The following SUGCT variants were observed in gnomAD, a reference collection of about 807,000 sequenced individuals.
The protein encoded by SUGCT is succinyl-CoA:glutarate-CoA transferase, also known as succinyl-CoA:glutarate CoA-transferase.
Under a neutral mutation model 55.0 loss-of-function variants are expected in SUGCT, and 41 were observed. The observed-to-expected ratio is 0.74, with a 90% CI of 0.58 to 0.97. The LOEUF is 0.97. Among genes scored for constraint, SUGCT ranks in the 50% least tolerant of loss-of-function variants. The pLI is 0.00. For synonymous variants in SUGCT, 187 were observed against 200.4 expected (o/e 0.93, Z 0.56); for missense variants, 568 against 547.8 (o/e 1.04, Z -0.37).
intron 12 of SUGCT, among the ~76,000 whole-genome samples, chr7:40,706,416 G>A (rs1288262868): frequency 6.6e-6 from 1 of 152,170 alleles, no homozygotes; most frequent in Non-Finnish European, 1.5e-5. Context: ...CTAGGCAGGA[G>A]AATCGTTTGA....
chr7:40,212,834 A>C (rs1787418607), intron 6 of SUGCT, among the ~76,000 whole-genome samples: 1 of 152,154 alleles, frequency 6.6e-6, no homozygotes, highest in Admixed American at 6.5e-5. Context: ...TACTCAGCCT[A>C]TAGTTGAAGA....
At chr7:40,965,923 C>G in the SUGCT span, 1 of 152,330 alleles carries the variant, frequency 6.6e-6, no homozygotes, top group South Asian at 2.1e-4. Context: ...AGAATTCAGT[C>G]ATTGTAATGG....
At chr7:40,553,448 A>T (rs188568469) in intron 12 of SUGCT, among the ~76,000 whole-genome samples, 4 of 152,216 alleles carry the variant, frequency 2.6e-5, no homozygotes, top group Non-Finnish European at 5.9e-5. Context: ...ATGCCATTGC[A>T]CTTGCATGTT....
At chr7:40,766,151 A>G (rs1287628626) in intron 13 of SUGCT, among the ~76,000 whole-genome samples, 2 of 152,222 alleles carry the variant, frequency 1.3e-5, no homozygotes, top group Admixed American at 6.5e-5. Context: ...AGTGATACAT[A>G]TCATCTATAT....
At chr7:40,329,327 A>G (rs17171686) in intron 9 of SUGCT, among the ~76,000 whole-genome samples, 17,514 of 152,208 alleles carry the variant, frequency 0.12, 1,320 homozygotes, top group East Asian at 0.44. Context: ...ATGTTGATGT[A>G]TAAGTATGGC....
chr7:40,307,290 G>A (rs1794896219), intron 8 of SUGCT, among the ~76,000 whole-genome samples: 3 of 152,174 alleles, frequency 2.0e-5, no homozygotes, highest in Non-Finnish European at 4.4e-5. Flanking sequence ...ACTGCATTAT[G>A]TATTATGTAA....
intron 12 of SUGCT, among the ~76,000 whole-genome samples, chr7:40,740,837 A>G (rs2128704375): frequency 6.6e-6 from 1 of 152,332 alleles, no homozygotes; most frequent in South Asian, 2.1e-4. Context: ...GAACAAAAGG[A>G]AAATTTCAGT....
At chr7:40,828,288 G>A (rs1187958850) in intron 13 of SUGCT, among the ~76,000 whole-genome samples, 1 of 152,196 alleles carries the variant, frequency 6.6e-6, no homozygotes, top group Non-Finnish European at 1.5e-5. Context: ...TCCTATCAGG[G>A]AAGGGGAGCA....
At chr7:40,265,959 C>CA (rs1791542658) in intron 7 of SUGCT, among the ~76,000 whole-genome samples, 1 of 149,924 alleles carries the variant, frequency 6.7e-6, no homozygotes, top group South Asian at 2.1e-4. Context: ...TCAAAAAAAA[C>CA]CACACACACA....
chr7:40,608,906 G>A (rs543743601), intron 12 of SUGCT, among the ~76,000 whole-genome samples: 1 of 152,282 alleles, frequency 6.6e-6, no homozygotes, highest in East Asian at 1.9e-4. Flanking sequence ...GTGATTGGTA[G>A]AACAGCTCCG....
At chr7:40,967,425 G>A in the SUGCT span, 3 of 152,102 alleles carry the variant, frequency 2.0e-5, no homozygotes, top group Admixed American at 6.6e-5. Context: ...AATAGAGTGC[G>A]TTTCATAGGA....
intron 13 of SUGCT, among the ~76,000 whole-genome samples, chr7:40,758,670 T>A (rs1011142816): frequency 6.6e-6 from 1 of 152,102 alleles, no homozygotes; most frequent in Non-Finnish European, 1.5e-5. Context: ...TGAAACCACA[T>A]CTTCATGTTG....
chr7:40,754,524 C>T (rs905441834), intron 13 of SUGCT, among the ~76,000 whole-genome samples: 1 of 152,140 alleles, frequency 6.6e-6, no homozygotes, highest in Non-Finnish European at 1.5e-5. Context: ...GGACCAGTCC[C>T]TCGTGGAGCT....
chr7:40,928,625 A>C, the SUGCT span, among the ~76,000 whole-genome samples: 1 of 146,068 alleles, frequency 6.8e-6, no homozygotes, highest in African/African-American at 2.6e-5. Context: ...TTTGAGACGG[A>C]GTCTTGCTCC....
At chr7:40,852,420 C>T (rs1793894802) in intron 13 of SUGCT, among the ~76,000 whole-genome samples, 1 of 152,210 alleles carries the variant, frequency 6.6e-6, no homozygotes, top group Admixed American at 6.5e-5. Flanking sequence ...CTGCCTAGCA[C>T]AAAAGTATTC....
chr7:40,837,343 A>G (rs1286133632), intron 13 of SUGCT, among the ~76,000 whole-genome samples: 1 of 152,090 alleles, frequency 6.6e-6, no homozygotes, highest in Non-Finnish European at 1.5e-5. Flanking sequence ...TTTGTTAGCT[A>G]TGTGGTCTGC....
intron 12 of SUGCT, among the ~76,000 whole-genome samples, chr7:40,660,749 A>T (rs1801262706): frequency 1.3e-5 from 2 of 152,084 alleles, no homozygotes; most frequent in Non-Finnish European, 2.9e-5. Flanking sequence ...GATAAAAACA[A>T]CCCAGTCTCT....
intron 6 of SUGCT, among the ~76,000 whole-genome samples, chr7:40,234,119 T>C (rs1056611713): frequency 5.9e-5 from 9 of 152,322 alleles, no homozygotes; most frequent in African/African-American, 2.2e-4. Context: ...AGAGTCCTTT[T>C]AGAGTTGCAC....
At chr7:40,643,274 C>T (rs891055723) in intron 12 of SUGCT, among the ~76,000 whole-genome samples, 4 of 152,144 alleles carry the variant, frequency 2.6e-5, no homozygotes, top group African/African-American at 9.7e-5. Flanking sequence ...GATTTTAGGA[C>T]CTTGTCAAGA....
Sources: allele counts gnomAD v4.1 joint callset (sites outside exome capture counted in the v4.1 genomes callset), GRCh38; gene constraint gnomAD v4.1.1; transcripts MANE v1.5; gene names NCBI Gene and HGNC (gene_info 2026-07-23, HGNC 2026-07-21).